The following THSD7A variants were observed in gnomAD, a reference collection of about 807,000 sequenced individuals.
The protein encoded by THSD7A is thrombospondin type-1 domain-containing protein 7A.
A neutral mutation model predicts 231.3 loss-of-function variants in THSD7A; 96 were observed. That is an observed-to-expected ratio of 0.41 (90% CI 0.35 to 0.49). The LOEUF is 0.49. Among genes scored for constraint, THSD7A ranks in the 20% least tolerant of loss-of-function variants. THSD7A has a pLI of 0.05. For synonymous variants in THSD7A, 940 were observed against 743.3 expected (o/e 1.26, Z -4.30); for missense variants, 2,290 against 2,070.2 (o/e 1.11, Z -2.06).
chr7:11,379,452 T>C (rs976288366), intron 25 of THSD7A, 172 bp from the exon 26 acceptor site: 1 of 867,592 alleles, frequency 1.2e-6, no homozygotes, highest in African/African-American at 1.7e-5. Context: ...TATGAAAATG[T>C]ATTCTAAAGG....
At chr7:11,561,226 T>C (rs146555519) in intron 4 of THSD7A, among the ~76,000 whole-genome samples, 290 of 152,312 alleles carry the variant, frequency 1.9e-3, no homozygotes, top group Non-Finnish European at 3.6e-3. Flanking sequence ...CACACACATA[T>C]GCATATTTAT....
At chr7:11,595,752 G>A (rs1780338443) in intron 2 of THSD7A, among the ~76,000 whole-genome samples, 2 of 152,216 alleles carry the variant, frequency 1.3e-5, no homozygotes, top group African/African-American at 4.8e-5. Flanking sequence ...ATCTAACAGT[G>A]GAAACCAAAG....
intron 23 of THSD7A, among the ~76,000 whole-genome samples, chr7:11,391,789 G>A (rs982420613): frequency 1.3e-5 from 2 of 152,082 alleles, no homozygotes; most frequent in South Asian, 2.1e-4. Flanking sequence ...CAAAGACTGC[G>A]ATGTATCTGG....
intron 23 of THSD7A, among the ~76,000 whole-genome samples, chr7:11,382,931 T>C (rs1782580243): frequency 1.3e-5 from 2 of 150,762 alleles, no homozygotes; most frequent in Admixed American, 1.3e-4. Context: ...TAGTTATATA[T>C]ATATATATAT....
At chr7:11,537,992 C>G (rs140514511) in intron 6 of THSD7A, among the ~76,000 whole-genome samples, 120 of 152,272 alleles carry the variant, frequency 7.9e-4, no homozygotes, top group African/African-American at 2.8e-3. Flanking sequence ...CAAGGATGGC[C>G]CTAGCCGGTG....
rs1035053466 is a variant in THSD7A, at chr7:11,632,827, A to T, written c.1022+3303T>A. Among the ~76,000 whole-genome samples the T allele has an allele frequency of 6.6e-5, 10 of 152,130 alleles. No homozygotes were observed. Among genetic ancestry groups the T allele is most frequent in the African/African-American group, 2.4e-4 (10 of 41,432 alleles). ...CTTGTACAATTTCGATGTGTGAATC[A>T]AGGTCTTCTTTTAATTTCAGGAAAG... On this transcript the variant is annotated intron_variant, in intron 2 of 27. Coordinates refer to ENST00000423059, the MANE Select transcript of THSD7A (RefSeq NM_015204.3). The surrounding 1 kb of genome is among the most constrained non-coding windows in gnomAD (Gnocchi z 4.1).
intron 23 of THSD7A, among the ~76,000 whole-genome samples, chr7:11,399,639 A>C (rs1231092902): frequency 1.3e-5 from 2 of 152,200 alleles, no homozygotes; most frequent in African/African-American, 4.8e-5. Flanking sequence ...TAGAATGGCG[A>C]TCATTAAAAA....
At chr7:11,806,384 C>T (rs1784397688) in intron 1 of THSD7A, among the ~76,000 whole-genome samples, 1 of 152,022 alleles carries the variant, frequency 6.6e-6, no homozygotes, top group African/African-American at 2.4e-5. Context: ...AACTTTTAGA[C>T]CTTGGACTAT....
chr7:11,728,832 C>A (rs1444715139), intron 1 of THSD7A, among the ~76,000 whole-genome samples: 2 of 151,730 alleles, frequency 1.3e-5, no homozygotes, highest in Admixed American at 1.3e-4. Flanking sequence ...GTGAGCAAGA[C>A]AGTTTAAAAC....
chr7:11,495,440 G>C (rs562686543), intron 6 of THSD7A, among the ~76,000 whole-genome samples: 1 of 152,064 alleles, frequency 6.6e-6, no homozygotes, highest in African/African-American at 2.4e-5. Flanking sequence ...TTTTGCCAAA[G>C]ATCAGCTAGG....
In THSD7A at chr7:11,636,344, G is replaced by T; in HGVS notation, c.808C>A (p.Gln270Lys). ...WSTCSMPHSR[Q>K]VRQARRRGKN... ...CCGCGTCTCCTTGCTTGTCTTACTT[G>T]TCGGGAGTGGGGCATTGAGCAGGTG... Residue 270 changes from glutamine to lysine, a missense_variant, in exon 2 of 28, where the codon CAA becomes AAA. Transcript: ENST00000423059. This position sits in a 1 kb window ranked among gnomAD's most constrained non-coding sequence, Gnocchi z 10.0. The T allele has an allele frequency of 1.2e-6, 2 of 1,613,750 alleles. No homozygotes were observed. The highest frequency in any genetic ancestry group is 1.7e-6 in the Non-Finnish European group (2 of 1,179,888).
chr7:11,474,372 G>C lies in THSD7A; in HGVS notation c.2214C>G (p.Ile738Met). The change falls in exon 8 of 28, where the codon ATC becomes ATG. Residue 738 changes from isoleucine (I) to methionine (M), a missense_variant. Ile to Met is a conservative substitution (Grantham distance 10, BLOSUM62 1). Transcript: ENST00000423059. The surrounding 1 kb of genome is among the most constrained non-coding windows in gnomAD (Gnocchi z 4.1). ...CTTGGCCCACATTGACTCGCACACA[G>C]ATGACTTTTCTTGTCTGCATGCCGA... Reference protein sequence around the residue: ...CSVGMQTRKVICVRVNVGQVG... With the variant: ...CSVGMQTRKVMCVRVNVGQVG... The C allele has an allele frequency of 6.2e-7, 1 of 1,613,416 alleles. No homozygotes were observed. Among genetic ancestry groups the C allele is most frequent in the Non-Finnish European group, 8.5e-7 (1 of 1,179,546 alleles).
chr7:11,613,487 CAG>C (rs1781004290), intron 2 of THSD7A, among the ~76,000 whole-genome samples: 1 of 152,148 alleles, frequency 6.6e-6, no homozygotes, highest in African/African-American at 2.4e-5. Flanking sequence ...GGTTGTTGTG[CAG>C]AGTCATATCT....
At chr7:11,786,759 T>TAA (rs58923353) in intron 1 of THSD7A, among the ~76,000 whole-genome samples, 19 of 108,636 alleles carry the variant, frequency 1.7e-4, no homozygotes, top group Admixed American at 2.7e-4. Context: ...AGTATAATAA[T>TAA]AAAAAAAAAA....
At position 11,637,220 on chromosome 7, in the gene THSD7A, G is replaced by C. The variant is rs1016508381; in HGVS notation, c.191-259C>G. ...TCCTTTAGGGATTACGAAAAGTTTG[G>C]TTTTGTTCATTTCCTTTGTTTTAGG... is the stretch of plus-strand genomic sequence containing the variant. On this transcript the variant is annotated intron_variant, in intron 1 of 27. Transcript: ENST00000423059. The surrounding 1 kb of genome is among the most constrained non-coding windows in gnomAD (Gnocchi z 4.2). Among the ~76,000 whole-genome samples, 2 of 152,120 alleles carry C rather than the reference G, an allele frequency of 1.3e-5. No homozygotes were observed. The highest frequency in any genetic ancestry group is 4.8e-5 in the African/African-American group (2 of 41,420).
chr7:11,487,790 A>G (rs1786721523), intron 6 of THSD7A, among the ~76,000 whole-genome samples: 1 of 152,122 alleles, frequency 6.6e-6, no homozygotes, highest in Non-Finnish European at 1.5e-5. Context: ...GGGGAGACCG[A>G]CACCATTATT....
At chr7:11,795,628 C>A (rs6460844) in intron 1 of THSD7A, among the ~76,000 whole-genome samples, 46,704 of 151,712 alleles carry the variant, frequency 0.31, 8,158 homozygotes, top group African/African-American at 0.47. Context: ...AACATATATT[C>A]TATTACAGAA....
intron 4 of THSD7A, among the ~76,000 whole-genome samples, chr7:11,562,889 A>G (rs1242590407): frequency 6.6e-6 from 1 of 152,204 alleles, no homozygotes; most frequent in African/African-American, 2.4e-5. Flanking sequence ...CTTCTGAGTT[A>G]CTACAAGTGT....
chr7:11,489,963 C>A (rs1786820134), intron 6 of THSD7A, among the ~76,000 whole-genome samples: 1 of 151,920 alleles, frequency 6.6e-6, no homozygotes, highest in Non-Finnish European at 1.5e-5. Flanking sequence ...CAGTATGATA[C>A]AATTATTTTC....
Sources: allele counts gnomAD v4.1 joint callset (sites outside exome capture counted in the v4.1 genomes callset), GRCh38; gene constraint gnomAD v4.1.1; non-coding constraint Gnocchi (gnomAD v3.1); transcripts MANE v1.5; gene names NCBI Gene and HGNC (gene_info 2026-07-23, HGNC 2026-07-21).